ENTREP2: variants seen among roughly 807,000 people sequenced by gnomAD.
The protein encoded by ENTREP2 is protein ENTREP2.
chr15:29,496,040 C>T, the ENTREP2 span, among the ~76,000 whole-genome samples: 1 of 151,994 alleles, frequency 6.6e-6, no homozygotes, highest in Non-Finnish European at 1.5e-5. Context: ...GATCCATGAA[C>T]ATGGGATATC....
At chr15:29,155,246 C>T in the ENTREP2 span, among the ~76,000 whole-genome samples, 3 of 150,176 alleles carry the variant, frequency 2.0e-5, no homozygotes, top group Admixed American at 2.0e-4. Context: ...CGCGCCACTG[C>T]ACTCCAGCCT....
At chr15:29,534,488 G>C in the ENTREP2 span, among the ~76,000 whole-genome samples, 1 of 152,164 alleles carries the variant, frequency 6.6e-6, no homozygotes, top group South Asian at 2.1e-4. Context: ...TTAGCAACAG[G>C]GCAAACAAGT....
At chr15:29,413,270 C>T in the ENTREP2 span, among the ~76,000 whole-genome samples, 1 of 152,050 alleles carries the variant, frequency 6.6e-6, no homozygotes, top group Non-Finnish European at 1.5e-5. Flanking sequence ...GTAAATTATA[C>T]CTGGTTGTGT....
At chr15:29,467,826 A>G in the ENTREP2 span, among the ~76,000 whole-genome samples, 3 of 151,802 alleles carry the variant, frequency 2.0e-5, no homozygotes, top group South Asian at 2.1e-4. Flanking sequence ...CTTCAATCAC[A>G]CTCTGTTTCT....
chr15:29,245,782 T>C, the ENTREP2 span, among the ~76,000 whole-genome samples: 1 of 152,136 alleles, frequency 6.6e-6, no homozygotes, highest in African/African-American at 2.4e-5. Context: ...CATAATAAAA[T>C]TGTACAATTT....
At chr15:29,124,567 C>A in the ENTREP2 span, 6 of 776,324 alleles carry the variant, frequency 7.7e-6, no homozygotes, top group Non-Finnish European at 1.2e-5. Flanking sequence ...GTGGGCAGCC[C>A]CCATTCCCGG....
the ENTREP2 span, among the ~76,000 whole-genome samples, chr15:29,217,656 A>G: frequency 4.6e-5 from 7 of 151,338 alleles, no homozygotes; most frequent in African/African-American, 1.5e-4. Flanking sequence ...TTCTCCCTTC[A>G]CTTCTTGTAT....
At chr15:29,511,731 T>C in the ENTREP2 span, among the ~76,000 whole-genome samples, 1 of 150,778 alleles carries the variant, frequency 6.6e-6, no homozygotes, top group African/African-American at 2.4e-5. Context: ...GCACCATTGG[T>C]TTCTGGTCTT....
chr15:29,187,846 G>A, the ENTREP2 span, among the ~76,000 whole-genome samples: 1 of 152,218 alleles, frequency 6.6e-6, no homozygotes, highest in Non-Finnish European at 1.5e-5. Flanking sequence ...CATATAAGCT[G>A]CTCACCCACA....
At chr15:29,209,486 GGA>G in the ENTREP2 span, among the ~76,000 whole-genome samples, 1 of 151,980 alleles carries the variant, frequency 6.6e-6, no homozygotes, top group African/African-American at 2.4e-5. Context: ...TGGGCAACAG[GGA>G]GAGACTCCGT....
chr15:29,118,697 A>T, the ENTREP2 span, among the ~76,000 whole-genome samples: 1 of 151,398 alleles, frequency 6.6e-6, no homozygotes, highest in Non-Finnish European at 1.5e-5. Context: ...AAAGGTGTGC[A>T]TGCGTGTGCG....
the ENTREP2 span, among the ~76,000 whole-genome samples, chr15:29,644,327 C>T: frequency 6.6e-6 from 1 of 152,218 alleles, no homozygotes; most frequent in African/African-American, 2.4e-5. Flanking sequence ...AAAATAAAAA[C>T]GTTCTAAAAT....
the ENTREP2 span, among the ~76,000 whole-genome samples, chr15:29,310,405 T>C: frequency 6.6e-6 from 1 of 152,178 alleles, no homozygotes; most frequent in Non-Finnish European, 1.5e-5. Context: ...GGAGCAGAAC[T>C]GCCCTGGCTC....
At chr15:29,636,027 G>A in the ENTREP2 span, among the ~76,000 whole-genome samples, 12 of 152,282 alleles carry the variant, frequency 7.9e-5, no homozygotes, top group African/African-American at 2.2e-4. Context: ...GCAGGAGCCA[G>A]AGATACAGAC....
the ENTREP2 span, among the ~76,000 whole-genome samples, chr15:29,179,214 A>G: frequency 2.0e-3 from 309 of 152,342 alleles, no homozygotes; most frequent in African/African-American, 6.1e-3. Context: ...AATAGTATGA[A>G]TATTCTTGCT....
the ENTREP2 span, among the ~76,000 whole-genome samples, chr15:29,473,868 C>A: frequency 6.6e-6 from 1 of 152,172 alleles, no homozygotes; most frequent in Non-Finnish European, 1.5e-5. Context: ...ACAACGAGGA[C>A]ATCTCAAAGC....
chr15:29,182,632 G>T, the ENTREP2 span, among the ~76,000 whole-genome samples: 1 of 151,574 alleles, frequency 6.6e-6, no homozygotes, highest in African/African-American at 2.4e-5. Context: ...TACAATGATG[G>T]TGTGTGTGTA....
At chr15:29,432,082 T>C in the ENTREP2 span, among the ~76,000 whole-genome samples, 1 of 152,222 alleles carries the variant, frequency 6.6e-6, no homozygotes, top group East Asian at 1.9e-4. Context: ...CACTTACCTT[T>C]AAATAGGCAG....
At chr15:29,664,887 G>A in the ENTREP2 span, among the ~76,000 whole-genome samples, 190 of 152,304 alleles carry the variant, frequency 1.2e-3, no homozygotes, top group African/African-American at 4.4e-3. Flanking sequence ...CACTGTCTGG[G>A]ATGCAGCTGC....
Sources: gnomAD v4.1 joint callset for allele counts (sites outside exome capture counted in the v4.1 genomes callset) on GRCh38, gnomAD v4.1.1 for gene constraint, MANE v1.5 for transcripts, NCBI Gene and HGNC (gene_info 2026-07-23, HGNC 2026-07-21) for gene names.